The following CNTNAP2 variants were observed in gnomAD, a reference collection of about 807,000 sequenced individuals.
CNTNAP2 encodes the protein contactin-associated protein-like 2.
Under a neutral mutation model 155.2 loss-of-function variants are expected in CNTNAP2, and 98 were observed. The ratio of observed to expected loss-of-function variants is 0.63; its 90% CI spans 0.54 to 0.75. The LOEUF (loss-of-function observed/expected upper bound fraction) is 0.75. CNTNAP2 is among the 30% of genes least tolerant of loss of function. The pLI, the probability that CNTNAP2 is intolerant of heterozygous loss-of-function variation, is 0.00. For missense variants in CNTNAP2, 1,727 were observed against 1,688.1 expected (o/e 1.02, Z -0.40); for synonymous variants, 651 against 631.2 (o/e 1.03, Z -0.47).
At chr7:147,890,062 T>C (rs1799664953) in intron 13 of CNTNAP2, among the ~76,000 whole-genome samples, 1 of 152,124 alleles carries the variant, frequency 6.6e-6, no homozygotes, top group Non-Finnish European at 1.5e-5. Flanking sequence ...AAGCAAAACA[T>C]ATAATTAGAC....
intron 9 of CNTNAP2, among the ~76,000 whole-genome samples, chr7:147,373,771 G>GT (rs1289557259): frequency 1.3e-5 from 2 of 151,668 alleles, no homozygotes; most frequent in African/African-American, 2.4e-5. Flanking sequence ...CTTGAGTTCT[G>GT]TTTTTTCTGT....
intron 12 of CNTNAP2, among the ~76,000 whole-genome samples, chr7:147,597,339 C>A (rs751764727): frequency 6.6e-6 from 1 of 152,090 alleles, no homozygotes; most frequent in Non-Finnish European, 1.5e-5. Context: ...CAGCCTTATC[C>A]TCCATCACTT....
intron 1 of CNTNAP2, among the ~76,000 whole-genome samples, chr7:146,610,956 C>T (rs950539562): frequency 6.6e-6 from 1 of 152,118 alleles, no homozygotes; most frequent in African/African-American, 2.4e-5. Flanking sequence ...AAGTCCCAAC[C>T]TCTGGGATTT....
At chr7:146,810,037 A>C (rs1324049079) in intron 2 of CNTNAP2, among the ~76,000 whole-genome samples, 1 of 152,182 alleles carries the variant, frequency 6.6e-6, no homozygotes, top group Non-Finnish European at 1.5e-5. Flanking sequence ...ATGGTATAAG[A>C]CGAGGGCCAA....
At chr7:146,364,495 A>T (rs190974557) in intron 1 of CNTNAP2, among the ~76,000 whole-genome samples, 1 of 152,202 alleles carries the variant, frequency 6.6e-6, no homozygotes, top group Non-Finnish European at 1.5e-5. Context: ...GTAAAAATAT[A>T]TGAGTATTAA....
intron 16 of CNTNAP2, among the ~76,000 whole-genome samples, chr7:148,130,051 G>A (rs1804799201): frequency 6.6e-6 from 1 of 152,164 alleles, no homozygotes; most frequent in African/African-American, 2.4e-5. Context: ...CATCAGAATG[G>A]CCCACGATAC....
chr7:146,258,463 T>C (rs1483306153), intron 1 of CNTNAP2, among the ~76,000 whole-genome samples: 1 of 152,204 alleles, frequency 6.6e-6, no homozygotes, highest in East Asian at 1.9e-4. Flanking sequence ...TTTTCCCAAA[T>C]ATTTATGCAT....
intron 3 of CNTNAP2, among the ~76,000 whole-genome samples, chr7:146,908,230 T>C (rs1321573376): frequency 2.6e-5 from 4 of 151,906 alleles, no homozygotes; most frequent in African/African-American, 7.3e-5. Context: ...CTGTCAACAT[T>C]AGACAGATCA....
chr7:147,499,294 C>T lies in CNTNAP2; in HGVS notation c.1777+13253C>T, dbSNP rs184192505. ...CTGTAATCCCAGCACTTTGGGAGGCCGAGGTGGGTAGATCATGAGGTCAGG... is the reference window on the plus strand; with the variant it reads ...CTGTAATCCCAGCACTTTGGGAGGCTGAGGTGGGTAGATCATGAGGTCAGG... On this transcript the variant is annotated intron_variant, in intron 11 of 23. Transcript: ENST00000361727. Among the ~76,000 whole-genome samples the T allele has an allele frequency of 5.5e-4, 84 of 151,990 alleles. 1 individual carries two copies. The highest frequency in any genetic ancestry group is 2.0e-3 in the African/African-American group (81 of 41,456).
chr7:148,195,890 GA>G (rs532007356), intron 18 of CNTNAP2, among the ~76,000 whole-genome samples: 247 of 151,722 alleles, frequency 1.6e-3, no homozygotes, highest in Middle Eastern at 0.014. Flanking sequence ...ACCGTGGAAA[GA>G]AAAAAAATGG....
chr7:148,281,277 C>T (rs1241261185), intron 21 of CNTNAP2, among the ~76,000 whole-genome samples: 1 of 152,194 alleles, frequency 6.6e-6, no homozygotes, highest in Admixed American at 6.5e-5. Flanking sequence ...GATTAAACTG[C>T]CTGCAACTTC....
chr7:146,525,530 GTTTA>G (rs1389257154), intron 1 of CNTNAP2, among the ~76,000 whole-genome samples: 3 of 127,082 alleles, frequency 2.4e-5, no homozygotes, highest in Non-Finnish European at 3.3e-5. Flanking sequence ...TGTCTTTTCA[GTTTA>G]TCTATCTATC....
chr7:147,352,285 CTG>C (rs1379604051), intron 9 of CNTNAP2, among the ~76,000 whole-genome samples: 1 of 152,012 alleles, frequency 6.6e-6, no homozygotes, highest in African/African-American at 2.4e-5. Flanking sequence ...ATTTGTAACA[CTG>C]TGTTCTATGT....
intron 8 of CNTNAP2, among the ~76,000 whole-genome samples, chr7:147,185,317 T>C (rs1159631671): frequency 6.6e-6 from 1 of 152,160 alleles, no homozygotes; most frequent in Non-Finnish European, 1.5e-5. Flanking sequence ...TTATTTAGCA[T>C]TATCAAATAA....
intron 11 of CNTNAP2, among the ~76,000 whole-genome samples, chr7:147,544,242 C>T (rs1283585068): frequency 6.6e-6 from 1 of 152,042 alleles, no homozygotes; most frequent in Non-Finnish European, 1.5e-5. Context: ...ATGGCACATA[C>T]AAACTGCTCT....
chr7:146,334,505 A>G (rs1373804479), intron 1 of CNTNAP2, among the ~76,000 whole-genome samples: 1 of 152,008 alleles, frequency 6.6e-6, no homozygotes, highest in East Asian at 1.9e-4. Flanking sequence ...TAGAACTAAA[A>G]TCTGTCACTA....
At chr7:148,363,844 T>TGCGTGCAGC (rs1554424561) in intron 21 of CNTNAP2, among the ~76,000 whole-genome samples, 1 of 125,832 alleles carries the variant, frequency 7.9e-6, no homozygotes. Context: ...GAACTGGGGC[T>TGCGTGCAGC]GCGTGCGGGC....
intron 4 of CNTNAP2, 59 bp from the exon 5 acceptor site, chr7:147,108,088 T>A: frequency 6.9e-7 from 1 of 1,452,976 alleles, no homozygotes. Flanking sequence ...AGACACCTGT[T>A]GGAAGTGGAT....
At chr7:148,056,801 C>T (rs944840985) in intron 15 of CNTNAP2, 3 of 152,202 alleles carry the variant, frequency 2.0e-5, no homozygotes, top group Admixed American at 1.3e-4. Context: ...GAAGTATGAT[C>T]GTTCGTGTTG....
Sources: allele counts gnomAD v4.1 joint callset (sites outside exome capture counted in the v4.1 genomes callset), GRCh38; gene constraint gnomAD v4.1.1; transcripts MANE v1.5; gene names NCBI Gene and HGNC (gene_info 2026-07-23, HGNC 2026-07-21).